The following SAMD5 variants were observed in gnomAD, a reference collection of about 807,000 sequenced individuals.
SAMD5 encodes the protein sterile alpha motif domain-containing protein 5.
A neutral mutation model predicts 11.3 loss-of-function variants in SAMD5; 13 were observed. The ratio of observed to expected loss-of-function variants is 1.15; its 90% CI spans 0.75 to 1.83. The LOEUF is 1.83. Ranked by LOEUF, SAMD5 falls within the 40% of genes most tolerant of loss-of-function variation. The pLI, the probability that SAMD5 is intolerant of heterozygous loss-of-function variation, is 0.00. For missense variants in SAMD5, 255 were observed against 239.1 expected (o/e 1.07, Z -0.44); for synonymous variants, 129 against 111.3 (o/e 1.16, Z -1.00).
intron 1 of SAMD5, among the ~76,000 whole-genome samples, chr6:147,642,449 C>T (rs1430025625): frequency 6.6e-6 from 1 of 152,110 alleles, no homozygotes; most frequent in African/African-American, 2.4e-5. Context: ...AAGTTAGGTG[C>T]CACTTTAATG....
the SAMD5 span, among the ~76,000 whole-genome samples, chr6:147,905,547 C>A: frequency 5.9e-5 from 9 of 151,980 alleles, no homozygotes; most frequent in African/African-American, 1.9e-4. Flanking sequence ...AACAAAAAAA[C>A]AAAATCACCT....
At chr6:147,608,922 G>A (rs1310740673) in intron 1 of SAMD5, among the ~76,000 whole-genome samples, 1 of 151,722 alleles carries the variant, frequency 6.6e-6, no homozygotes, top group African/African-American at 2.4e-5. Flanking sequence ...ATAAATATAT[G>A]TACCTACTAT....
At chr6:147,901,565 A>G in the SAMD5 span, among the ~76,000 whole-genome samples, 1 of 152,078 alleles carries the variant, frequency 6.6e-6, no homozygotes, top group African/African-American at 2.4e-5. Flanking sequence ...TCATTTTCAC[A>G]TTTGGATGTG....
At chr6:147,758,489 G>T in the SAMD5 span, among the ~76,000 whole-genome samples, 1 of 152,212 alleles carries the variant, frequency 6.6e-6, no homozygotes, top group Non-Finnish European at 1.5e-5. Context: ...GTGCCGTCCT[G>T]TCTGCCCATC....
chr6:147,509,499 G>A (rs1583061585), intron 1 of SAMD5, 112 bp downstream of exon 1: 1 of 915,522 alleles, frequency 1.1e-6, no homozygotes, highest in Non-Finnish European at 1.6e-6. Flanking sequence ...GAGGCCAGGA[G>A]GCTTTGGGTA....
intron 1 of SAMD5, among the ~76,000 whole-genome samples, chr6:147,640,690 T>C (rs1226093072): frequency 1.3e-5 from 2 of 152,036 alleles, no homozygotes; most frequent in African/African-American, 2.4e-5. Flanking sequence ...TTAAAACAGG[T>C]TCAATGGGAA....
chr6:147,747,546 T>C, the SAMD5 span, among the ~76,000 whole-genome samples: 48 of 152,224 alleles, frequency 3.2e-4, 1 homozygote, highest in Non-Finnish European at 5.0e-4. Context: ...ACGGGGTCTC[T>C]ATCACTGAGG....
At chr6:147,787,398 T>G in the SAMD5 span, among the ~76,000 whole-genome samples, 1,784 of 152,262 alleles carry the variant, frequency 0.012, 35 homozygotes, top group African/African-American at 0.041. Flanking sequence ...TTTTGATAAT[T>G]TCTGAAATTG....
the SAMD5 span, among the ~76,000 whole-genome samples, chr6:147,844,262 T>G: frequency 2.6e-5 from 4 of 152,164 alleles, no homozygotes; most frequent in Admixed American, 6.6e-5. Context: ...TCTCTAATCA[T>G]CAGAGAAATG....
chr6:147,815,519 AG>A, the SAMD5 span, among the ~76,000 whole-genome samples: 2,533 of 152,252 alleles, frequency 0.017, 63 homozygotes, highest in African/African-American at 0.058. Context: ...GAGGTCAGGA[AG>A]GGTTCGGCTA....
chr6:147,552,717 G>A (rs1479959464), intron 1 of SAMD5, among the ~76,000 whole-genome samples: 2 of 152,222 alleles, frequency 1.3e-5, no homozygotes, highest in Non-Finnish European at 2.9e-5. Context: ...ACATATGCCT[G>A]TGTGGGGCGG....
intron 1 of SAMD5, among the ~76,000 whole-genome samples, chr6:147,650,178 T>C (rs146029959): frequency 6.6e-4 from 100 of 152,266 alleles, no homozygotes; most frequent in Non-Finnish European, 1.3e-3. Context: ...ATGCCAGACA[T>C]TAATTAATAA....
At chr6:147,562,541 G>T (rs779688750) in intron 1 of SAMD5, among the ~76,000 whole-genome samples, 1 of 152,140 alleles carries the variant, frequency 6.6e-6, no homozygotes, top group Non-Finnish European at 1.5e-5. Context: ...CCAAAGTGTT[G>T]GCCGGGTGTG....
At chr6:147,574,886 A>G (rs1242766511), downstream of SAMD5, among the ~76,000 whole-genome samples, 5 of 152,372 alleles carry the variant, frequency 3.3e-5, no homozygotes, top group Non-Finnish European at 2.9e-5. Flanking sequence ...AAGGGAACAT[A>G]TTCAAACTGT....
chr6:147,726,836 G>A lies in SAMD5; in HGVS notation c.163-10481G>A, dbSNP rs548273343. Among the ~76,000 whole-genome samples, 4 of 152,252 alleles carry A rather than the reference G, an allele frequency of 2.6e-5. No homozygotes were observed. The East Asian group carries it at 7.7e-4, about 29-fold the overall frequency. ...CGGCAGCACCTGGCTTGTTATAATC[G>A]CTGTATAACAGCTCCATGCTATTAT... On this transcript the variant is annotated intron_variant, in intron 1 of 1. Transcript: ENST00000566741.
intron 1 of SAMD5, among the ~76,000 whole-genome samples, chr6:147,728,311 G>A (rs575228957): frequency 3.5e-4 from 54 of 152,238 alleles, no homozygotes; most frequent in African/African-American, 1.2e-3. Flanking sequence ...CCAGCTCTTC[G>A]GGAGGCTGAG....
At chr6:147,579,497 A>G (rs1789265714) in intron 1 of SAMD5, among the ~76,000 whole-genome samples, 1 of 118,418 alleles carries the variant, frequency 8.4e-6, no homozygotes, top group South Asian at 2.5e-4. Flanking sequence ...ACGGAGTCTC[A>G]CTCTGCAGTG....
At chr6:147,619,520 A>C (rs1403742982) in intron 1 of SAMD5, among the ~76,000 whole-genome samples, 4 of 152,252 alleles carry the variant, frequency 2.6e-5, no homozygotes, top group Non-Finnish European at 5.9e-5. Flanking sequence ...ATATTCCTTG[A>C]TAGTCCTAAG....
At chr6:147,758,976 C>CA in the SAMD5 span, among the ~76,000 whole-genome samples, 1 of 151,978 alleles carries the variant, frequency 6.6e-6, no homozygotes, top group East Asian at 1.9e-4. Context: ...TCACAAAAAC[C>CA]AAAAAACAAA....
Sources: gnomAD v4.1 joint callset for allele counts (sites outside exome capture counted in the v4.1 genomes callset) on GRCh38, gnomAD v4.1.1 for gene constraint, MANE v1.5 for transcripts, NCBI Gene and HGNC (gene_info 2026-07-23, HGNC 2026-07-21) for gene names.